Variants in TRPM8 observed in about 807,000 individuals in gnomAD.
TRPM8 encodes the protein TRPM8 cationic channel.
In TRPM8, 110 loss-of-function variants were observed where a neutral mutation model predicts 133.7. The observed-to-expected ratio is 0.82, with a 90% CI of 0.70 to 0.96. The LOEUF (loss-of-function observed/expected upper bound fraction) is 0.96. TRPM8 is among the 40% of genes least tolerant of loss of function. TRPM8 has a pLI of 0.00. For missense variants in TRPM8, 1,291 were observed against 1,379.5 expected, an observed-to-expected ratio of 0.94 and a Z score of 1.02; for synonymous variants, 535 against 532.3, an observed-to-expected ratio of 1.01 and a Z score of -0.07.
chr2:234,014,530 T>C, intron 24 of TRPM8, 32 bp from the exon 25 acceptor site: 1 of 1,438,644 alleles, frequency 7.0e-7, no homozygotes, highest in Non-Finnish European at 9.4e-7. Context: ...AAATTTATCT[T>C]AAGATGAGTT....
intron 17 of TRPM8, among the ~76,000 whole-genome samples, chr2:233,977,575 C>A (rs190902697): frequency 1.3e-5 from 2 of 152,306 alleles, no homozygotes; most frequent in East Asian, 3.9e-4. Context: ...TCCCCCTTAT[C>A]TTACCAGGCA....
intron 22 of TRPM8, among the ~76,000 whole-genome samples, chr2:234,004,815 G>A (rs1482497985): frequency 1.3e-5 from 2 of 152,098 alleles, no homozygotes; most frequent in Non-Finnish European, 1.5e-5. Context: ...TGTTATTTTT[G>A]TGTGGGTGTA....
chr2:233,936,303 G>C (rs1158512665), intron 3 of TRPM8, among the ~76,000 whole-genome samples: 5 of 152,190 alleles, frequency 3.3e-5, no homozygotes, highest in Non-Finnish European at 1.5e-5. Context: ...GTTGAATGAA[G>C]GTGGTATGTT....
chr2:233,972,324 A>G (rs571928652), intron 17 of TRPM8, among the ~76,000 whole-genome samples: 1 of 152,354 alleles, frequency 6.6e-6, no homozygotes, highest in African/African-American at 2.4e-5. Context: ...ATACAGAGTG[A>G]CGATTGGTGT....
chr2:233,981,494 T>C (rs1692007557), intron 18 of TRPM8, among the ~76,000 whole-genome samples: 1 of 152,166 alleles, frequency 6.6e-6, no homozygotes. Flanking sequence ...GTTAGGTTCC[T>C]GCTGTAGTGT....
intron 11 of TRPM8, among the ~76,000 whole-genome samples, chr2:233,959,470 CT>C (rs1247723568): frequency 2.0e-5 from 3 of 150,962 alleles, no homozygotes; most frequent in Non-Finnish European, 4.4e-5. Flanking sequence ...ACCTGGCTAA[CT>C]TTTTTATTTT....
intron 1 of TRPM8, among the ~76,000 whole-genome samples, chr2:233,925,316 T>C (rs1304067025): frequency 6.6e-6 from 1 of 152,186 alleles, no homozygotes; most frequent in Non-Finnish European, 1.5e-5. Flanking sequence ...CTCAGCAAGT[T>C]AACAGGGGTC....
At chr2:233,983,432 C>T (rs888474551) in intron 20 of TRPM8, 4 of 585,092 alleles carry the variant, frequency 6.8e-6, no homozygotes, top group African/African-American at 3.8e-5. Flanking sequence ...CCCAACATTT[C>T]AATTTTTAAA....
chr2:233,998,102 T>C (rs941871762), intron 22 of TRPM8, among the ~76,000 whole-genome samples: 2 of 152,144 alleles, frequency 1.3e-5, no homozygotes, highest in African/African-American at 4.8e-5. Flanking sequence ...CCCTGGCCTT[T>C]TTCCTCATCC....
At chr2:233,967,700 A>G (rs983384543) in intron 15 of TRPM8, among the ~76,000 whole-genome samples, 10 of 152,218 alleles carry the variant, frequency 6.6e-5, no homozygotes, top group Non-Finnish European at 4.4e-5. Flanking sequence ...GAGAGCATTG[A>G]TCCATGACAA....
chr2:234,000,127 T>TTTATTTA (rs1692517020), intron 22 of TRPM8, among the ~76,000 whole-genome samples: 1 of 42,998 alleles, frequency 2.3e-5, no homozygotes, highest in Non-Finnish European at 5.1e-5. Context: ...TTATTTATTT[T>TTTATTTA]TGAGACAGAG....
Position 234,014,661 on chromosome 2 carries a change from C to A in TRPM8, c.*42+7C>A. The A allele has an allele frequency of 9.8e-7, 1 of 1,025,358 alleles. No homozygotes were observed. The highest frequency in any genetic ancestry group is 1.6e-5 in the South Asian group (1 of 63,202). The allele number at this position is 1,025,358 out of a possible 1,614,324, so 63.5% of individuals were successfully genotyped here. ...AAAATCTAATTATAGCAAGGTGAGTCATTCTAATAGCTTTTTACTTTGCTC... is the reference window on the plus strand; with the variant it reads ...AAAATCTAATTATAGCAAGGTGAGTAATTCTAATAGCTTTTTACTTTGCTC... On this transcript the variant is annotated splice_region_variant and intron_variant, in intron 25 of 25. Transcript: ENST00000324695.
In TRPM8 at chr2:233,930,704, C is replaced by T. The variant is rs202063633; in HGVS notation, c.154C>T (p.Arg52Ter). The change falls in exon 3 of 26, where the codon CGA becomes TGA. Residue 52 changes from arginine (R) to a stop codon, truncating the protein, a stop_gained. Transcript: ENST00000324695. LOFTEE classifies it high-confidence loss of function. Reference sequence around the variant, plus strand: ...TTTTATTCAAGCAAATTTTAAGAAACGAGAATGTGTCTTCTTTACCAAAGA... The same window carrying T: ...TTTTATTCAAGCAAATTTTAAGAAATGAGAATGTGTCTTCTTTACCAAAGA... ...VNFIQANFKK[R>*]ECVFFTKDSK... The T allele has an allele frequency of 3.0e-5, 49 of 1,609,002 alleles. No homozygotes were observed. The highest frequency in any genetic ancestry group is 3.8e-5 in the Non-Finnish European group (45 of 1,176,476).
Position 233,960,822 on chromosome 2 carries a change from G to T in TRPM8, c.1409G>T (p.Arg470Ile). The T allele has an allele frequency of 6.2e-7, 1 of 1,614,080 alleles. No individual in the cohort carries two copies. Among genetic ancestry groups the T allele is most frequent in the South Asian group, 1.1e-5 (1 of 91,066 alleles). Residue 470 changes from arginine (R) to isoleucine (I), a missense_variant, in exon 12 of 26, where the codon AGA (arginine) becomes ATA (isoleucine). By Grantham distance (97) the Arg-to-Ile change is moderately conservative (BLOSUM62 -3). Transcript: ENST00000324695. ...ATGTTTACGGCTCTCATAAAGGACA[G>T]ACCCAAGTTTGTCCGCCTCTTTCTG... is the stretch of plus-strand genomic sequence containing the variant. Reference protein sequence around the residue: ...EVMFTALIKDRPKFVRLFLEN... With the variant: ...EVMFTALIKDIPKFVRLFLEN...
In TRPM8 at chr2:233,966,764, T is replaced by C. The variant is rs201556748; in HGVS notation, c.2025+9T>C. 183 of 1,546,198 alleles carry C rather than the reference T, an allele frequency of 1.2e-4. No individual in the cohort carries two copies. Among genetic ancestry groups the C allele is most frequent in the Non-Finnish European group, 1.5e-4 (176 of 1,141,348 alleles). The stretch of plus-strand genomic sequence containing the variant: ...CCCAGCCTGGGGTCCAGGTAAACCA[T>C]ACTCAGCCACCAGACCACACGGCCA... On this transcript the variant is annotated intron_variant, in intron 15 of 25. Coordinates refer to ENST00000324695, the MANE Select transcript of TRPM8 (RefSeq NM_024080.5).
intron 9 of TRPM8, among the ~76,000 whole-genome samples, chr2:233,950,737 C>A (rs912983032): frequency 2.0e-5 from 3 of 152,206 alleles, no homozygotes; most frequent in African/African-American, 7.2e-5. Context: ...TGCTCCCCAA[C>A]CCTGAGTAGG....
At chr2:233,959,858 T>C (rs941452608) in intron 11 of TRPM8, among the ~76,000 whole-genome samples, 31 of 151,912 alleles carry the variant, frequency 2.0e-4, no homozygotes, top group African/African-American at 7.5e-4. Context: ...CTTGGCTCAC[T>C]GCAACTTCTG....
intron 24 of TRPM8, among the ~76,000 whole-genome samples, chr2:234,011,695 G>T (rs913287936): frequency 1.3e-5 from 2 of 151,990 alleles, no homozygotes; most frequent in African/African-American, 4.8e-5. Flanking sequence ...GAGGCAGGTG[G>T]ATCACAAGGT....
intron 24 of TRPM8, among the ~76,000 whole-genome samples, chr2:234,011,324 T>C (rs1304091605): frequency 6.6e-6 from 1 of 152,238 alleles, no homozygotes; most frequent in East Asian, 1.9e-4. Flanking sequence ...GTCTATAGTC[T>C]GTTTTTATGT....
Sources: allele counts gnomAD v4.1 joint callset (sites outside exome capture counted in the v4.1 genomes callset), GRCh38; gene constraint gnomAD v4.1.1; transcripts MANE v1.5; gene names NCBI Gene and HGNC (gene_info 2026-07-23, HGNC 2026-07-21).